MED22: variants seen among roughly 807,000 people sequenced by gnomAD.
The protein encoded by MED22 is mediator of RNA polymerase II transcription subunit 22.
A neutral mutation model predicts 22.7 loss-of-function variants in MED22; 22 were observed. The ratio of observed to expected loss-of-function variants is 0.97; its 90% CI spans 0.69 to 1.38. MED22 has a LOEUF of 1.38. Ranked by LOEUF, MED22 falls within the 40% of genes most tolerant of loss-of-function variation. The probability of loss-of-function intolerance (pLI) is 0.00; values close to 1 mark genes in which losing one functional copy is unlikely to be tolerated. For synonymous variants in MED22, 134 were observed against 119.4 expected (o/e 1.12, Z -0.80); for missense variants, 247 against 263.0 (o/e 0.94, Z 0.42).
Position 133,341,565 on chromosome 9 carries a change from T to A in MED22, c.543A>T (p.Leu181=). ...GGGAGTGGGCAGGGGCTGCCACCTGTAGGGGGCCAGCACTGGGCTCCGGGG... is the reference window on the plus strand; with the variant it reads ...GGGAGTGGGCAGGGGCTGCCACCTGAAGGGGGCCAGCACTGGGCTCCGGGG... ...LASPEPSAGP[L]QVAAPAHSHA... Residue 181 remains leucine, a synonymous_variant, in exon 5 of 5, where the codon CTA becomes CTT. Transcript: ENST00000343730. 6.4e-7 allele frequency: 1 copy of A among 1,561,992 alleles called. No homozygotes were observed. Among genetic ancestry groups the A allele is most frequent in the South Asian group, 1.2e-5 (1 of 82,914 alleles).
rs2129941913 is a variant in MED22, at chr9:133,338,965, C to T, written c.*2540G>A. The T allele has an allele frequency of 1.9e-4, 130 of 680,200 alleles. No individual in the cohort carries two copies. Among genetic ancestry groups the T allele is most frequent in the South Asian group, 8.8e-4 (65 of 73,506 alleles). 42.1% of individuals were successfully genotyped at this position (680,200 alleles called of 1,614,324 possible). A position where few individuals can be genotyped will look rare whatever the true frequency, so the allele number is the denominator to read the frequency against. ...GGCATAAAAGCCTTTCAGCTGGAAC[C>T]GCCACCTTCCAGTAATTCGCCAAAA... On this transcript the variant is annotated 3_prime_UTR_variant, in exon 5 of 5. Coordinates refer to ENST00000343730, the MANE Select transcript of MED22 (RefSeq NM_133640.5).
At position 133,345,609 on chromosome 9, in the gene MED22, T is replaced by C. The variant is rs2129965827; in HGVS notation, c.124-357A>G. On this transcript the variant is annotated intron_variant, in intron 2 of 4. Transcript: ENST00000343730. The stretch of plus-strand genomic sequence containing the variant: ...CCGTTGTCACTTGCTTGGCATTTGG[T>C]AAACTGTTGGATGAGTGAAGGGATG... Among the ~76,000 whole-genome samples, 10 of 152,320 alleles carry C rather than the reference T, an allele frequency of 6.6e-5. No homozygotes were observed. In the East Asian group the frequency reaches 1.4e-3, roughly 21 times the overall value.
intron 4 of MED22, chr9:133,343,626 C>T: frequency 8.0e-7 from 1 of 1,246,838 alleles, no homozygotes; most frequent in Non-Finnish European, 1.0e-6. Context: ...CCCCACATTC[C>T]CATGACTGTC....
At position 133,345,222 on chromosome 9, in the gene MED22, T is replaced by A. The variant is rs1300950602; in HGVS notation, c.154A>T (p.Thr52Ser). Residue 52 changes from threonine to serine, a missense_variant, in exon 3 of 5, where the codon ACT becomes TCT. Thr to Ser is a moderately conservative substitution (Grantham distance 58). Transcript: ENST00000343730. ...IEDETQVSRA[T>S]QGEQDNYEMH... ...TCGTAATTGTCCTGTTCACCCTGAGTGGCCCGTGACACCTGCGTCTCGTCC... is the reference window on the plus strand; with the variant it reads ...TCGTAATTGTCCTGTTCACCCTGAGAGGCCCGTGACACCTGCGTCTCGTCC... 1 of 1,613,824 alleles carries A rather than the reference T, an allele frequency of 6.2e-7. No homozygotes were observed. Among genetic ancestry groups the A allele is most frequent in the South Asian group, 1.1e-5 (1 of 91,044 alleles).
In MED22 at chr9:133,339,325, A is replaced by T. The variant is rs1488315319; in HGVS notation, c.*2180T>A. ...CTGAAACGCGTGAAGGAAAATGATC[A>T]GAAAAAGAGGGAAGCCAAAGAGAAA... On this transcript the variant is annotated 3_prime_UTR_variant, in exon 5 of 5. Transcript: ENST00000343730. 1.4e-6 allele frequency: 1 copy of T among 715,262 alleles called. No homozygotes were observed. Among genetic ancestry groups the T allele is most frequent in the Non-Finnish European group, 2.6e-6 (1 of 382,764 alleles). The allele number at this position is 715,262 out of a possible 1,614,324, so 44.3% of individuals were successfully genotyped here.
At chr9:133,343,493 C>G (rs1836075937) in intron 4 of MED22, 2 of 1,235,116 alleles carry the variant, frequency 1.6e-6, no homozygotes, top group South Asian at 8.1e-5. Flanking sequence ...GACCCTTCTG[C>G]ATCCCTGGGA....
chr9:133,345,304 C>T (rs1258773638), intron 2 of MED22, 52 bp from the exon 3 acceptor site: 2 of 1,576,126 alleles, frequency 1.3e-6, no homozygotes, highest in African/African-American at 1.3e-5. Flanking sequence ...GCATCCCCAC[C>T]CCTGGCCCGG....
In MED22 at chr9:133,344,155, T is replaced by C; in HGVS notation, c.383A>G (p.Tyr128Cys). The change falls in exon 4 of 5, where the codon TAC becomes TGC. Residue 128 changes from tyrosine (Y) to cysteine (C), a missense_variant. Coordinates refer to ENST00000343730, the MANE Select transcript of MED22 (RefSeq NM_133640.5). ...TLRDEISIDL[Y>C]ELEEEYYSSS... ...CGAGTAATACTCCTCCTCCAGCTCGTAGAGGTCAATGGAGATCTCGTCTCG... is the reference window on the plus strand; with the variant it reads ...CGAGTAATACTCCTCCTCCAGCTCGCAGAGGTCAATGGAGATCTCGTCTCG... 2 of 1,614,150 alleles carry C rather than the reference T, an allele frequency of 1.2e-6. No homozygotes were observed. Among genetic ancestry groups the C allele is most frequent in the Non-Finnish European group, 1.7e-6 (2 of 1,180,020 alleles).
Position 133,339,802 on chromosome 9 carries a change from G to A in MED22, c.*1703C>T, listed in dbSNP as rs182802645. On this transcript the variant is annotated 3_prime_UTR_variant, in exon 5 of 5. Transcript: ENST00000343730. The stretch of plus-strand genomic sequence containing the variant: ...GTCATGGAGACAAAACCTGTCTGAC[G>A]TAGGCCCAAGAGAGAACTGCAAATG... 506 of 170,756 alleles carry A rather than the reference G, an allele frequency of 3.0e-3. 3 individuals are homozygous for A. The highest frequency in any genetic ancestry group is 0.011 in the African/African-American group (465 of 41,746). The allele number at this position is 170,756 out of a possible 1,614,324, so 10.6% of individuals were successfully genotyped here.
chr9:133,343,649 C>T (rs2129957430), intron 4 of MED22: 2 of 1,250,330 alleles, frequency 1.6e-6, no homozygotes. Context: ...TGCCTCCACA[C>T]TGGGGTTTGG....
At position 133,339,656 on chromosome 9, in the gene MED22, A is replaced by C; in HGVS notation, c.*1849T>G. The stretch of plus-strand genomic sequence containing the variant: ...GAGAGGCAAACTGACAAGTACTTCC[A>C]TGAGTTCCACTGCCCTCAAAATAAA... On this transcript the variant is annotated 3_prime_UTR_variant, in exon 5 of 5. Coordinates refer to ENST00000343730, the MANE Select transcript of MED22 (RefSeq NM_133640.5). The C allele has an allele frequency of 2.8e-6, 1 of 362,426 alleles. No homozygotes were observed. Among genetic ancestry groups the C allele is most frequent in the East Asian group, 6.4e-5 (1 of 15,722 alleles). The allele number at this position is 362,426 out of a possible 1,614,324, so 22.5% of individuals were successfully genotyped here. A position where few individuals can be genotyped will look rare whatever the true frequency, so the allele number is the denominator to read the frequency against.
At chr9:133,345,684 G>C (rs2129966022) in intron 2 of MED22, among the ~76,000 whole-genome samples, 1 of 152,136 alleles carries the variant, frequency 6.6e-6, no homozygotes, top group African/African-American at 2.4e-5. Flanking sequence ...CAGGTGCCAG[G>C]CTGTGTCATG....
chr9:133,344,668 C>T (rs1029579048), intron 3 of MED22, among the ~76,000 whole-genome samples: 5 of 152,186 alleles, frequency 3.3e-5, no homozygotes, highest in Admixed American at 3.3e-4. Context: ...CCTCCTGCCC[C>T]GGGGTAGGAT....
chr9:133,341,374 A>G lies in MED22; in HGVS notation c.*131T>C. On this transcript the variant is annotated 3_prime_UTR_variant, in exon 5 of 5. Coordinates refer to ENST00000343730, the MANE Select transcript of MED22 (RefSeq NM_133640.5). Reference sequence around the variant, plus strand: ...CCACCCTGGGCTAACGGGCTTCCCAAGGAAGTCCTAGTGGCTCTGGGGTCC... The same window carrying G: ...CCACCCTGGGCTAACGGGCTTCCCAGGGAAGTCCTAGTGGCTCTGGGGTCC... The G allele has an allele frequency of 9.7e-7, 1 of 1,032,696 alleles. No homozygotes were observed. Among genetic ancestry groups the G allele is most frequent in the Non-Finnish European group, 1.3e-6 (1 of 758,494 alleles). 64.0% of individuals were successfully genotyped at this position (1,032,696 alleles called of 1,614,324 possible).
At position 133,341,752 on chromosome 9, in the gene MED22, G is replaced by C. The variant is rs1301228003; in HGVS notation, c.414-58C>G. The C allele has an allele frequency of 5.7e-6, 9 of 1,577,170 alleles. No individual in the cohort carries two copies. The Middle Eastern group carries it at 5.0e-4, about 88-fold the overall frequency. ...AGGAGCAGGCAGAGAGGAAAGCCAG[G>C]GGAGGGGAGAGCAAGACAGAAGCAG... On this transcript the variant is annotated intron_variant, in intron 4 of 4. Coordinates refer to ENST00000343730, the MANE Select transcript of MED22 (RefSeq NM_133640.5).
rs1162864883 is a variant in MED22, at chr9:133,341,262, G to A, written c.*243C>T. On this transcript the variant is annotated 3_prime_UTR_variant, in exon 5 of 5. Transcript: ENST00000343730. ...TTTCTTCCACCTGGCTGGCCAGGAA[G>A]GCAGCAAACAGAGATGATGACTCGG... 6.4e-5 allele frequency: 27 copies of A among 421,288 alleles called. No individual in the cohort carries two copies. In the East Asian group the frequency reaches 1.1e-3, roughly 17 times the overall value. 26.1% of individuals were successfully genotyped at this position (421,288 alleles called of 1,614,324 possible). A position where few individuals can be genotyped will look rare whatever the true frequency, so the allele number is the denominator to read the frequency against.
intron 4 of MED22, chr9:133,342,533 G>C (rs1836037591): frequency 2.0e-6 from 2 of 986,176 alleles, no homozygotes; most frequent in Admixed American, 6.2e-5. Flanking sequence ...CGAGCACAGA[G>C]GCGCAGCTCA....
At chr9:133,342,124 T>C in intron 4 of MED22, 1 of 1,023,468 alleles carries the variant, frequency 9.8e-7, no homozygotes, top group Non-Finnish European at 1.2e-6. Context: ...GGGCAGACTG[T>C]GTTCTTTCTG....
intron 4 of MED22, chr9:133,342,315 C>T (rs2129952774): frequency 2.6e-5 from 26 of 985,984 alleles, no homozygotes; most frequent in African/African-American, 7.0e-5. Context: ...TTCCCATGCC[C>T]GCAGCTGTGA....
Sources: gnomAD v4.1 joint callset for allele counts (sites outside exome capture counted in the v4.1 genomes callset) on GRCh38, gnomAD v4.1.1 for gene constraint, MANE v1.5 for transcripts, NCBI Gene and HGNC (gene_info 2026-07-23, HGNC 2026-07-21) for gene names.